SPACA7: variants seen among roughly 807,000 people sequenced by gnomAD.
SPACA7 encodes the protein sperm acrosome-associated protein 7.
In SPACA7, 19 loss-of-function variants were observed where a neutral mutation model predicts 26.3. The ratio of observed to expected loss-of-function variants is 0.72; its 90% CI spans 0.50 to 1.06. SPACA7 has a LOEUF of 1.06. SPACA7 is among the 50% of genes least tolerant of loss of function. The pLI, the probability that SPACA7 is intolerant of heterozygous loss-of-function variation, is 0.00. For synonymous variants in SPACA7, 84 were observed against 84.5 expected, an observed-to-expected ratio of 0.99 and a Z score of 0.04; for missense variants, 211 against 229.9, an observed-to-expected ratio of 0.92 and a Z score of 0.53.
intron 6 of SPACA7, 52 bp from the exon 7 acceptor site, chr13:112,434,433 A>C (rs1877534836): frequency 6.8e-7 from 1 of 1,480,036 alleles, no homozygotes; most frequent in African/African-American, 1.4e-5. Context: ...CAGTGCCTCC[A>C]TCTCCCTCAT....
rs1876566761 is a variant in SPACA7 at position 112,426,680 on chromosome 13, A to G, written c.446-5764A>G. ...TATAAATGGCACTTTTTCAAATTCA[A>G]TATCCAGTTATTCATTTTTAGTATA... On this transcript the variant is annotated intron_variant, in intron 5 of 6. Transcript: ENST00000283550. Among the ~76,000 whole-genome samples the G allele has an allele frequency of 2.0e-5, 3 of 152,238 alleles. No homozygotes were observed. The South Asian group carries it at 6.2e-4, about 31-fold the overall frequency.
At chr13:112,432,321 C>T (rs1877235054) in intron 5 of SPACA7, 123 bp from the exon 6 acceptor site, 5 of 698,796 alleles carry the variant, frequency 7.2e-6, no homozygotes, top group Non-Finnish European at 1.3e-5. Context: ...CCTCACCCCG[C>T]TTGCTCTGTG....
chr13:112,390,820 C>T (rs1009672388), intron 1 of SPACA7, among the ~76,000 whole-genome samples: 1 of 152,244 alleles, frequency 6.6e-6, no homozygotes, highest in Non-Finnish European at 1.5e-5. Flanking sequence ...CTAGGAATTA[C>T]AATTCAACCT....
chr13:112,424,261 G>A (rs768006196), intron 5 of SPACA7, among the ~76,000 whole-genome samples: 4 of 152,226 alleles, frequency 2.6e-5, no homozygotes, highest in African/African-American at 4.8e-5. Context: ...GTGATGCTGC[G>A]TTGGGAGCAT....
intron 2 of SPACA7, among the ~76,000 whole-genome samples, chr13:112,395,035 C>A (rs1380167874): frequency 5.3e-5 from 8 of 152,228 alleles, no homozygotes; most frequent in Admixed American, 5.2e-4. Flanking sequence ...GGCCGAGACT[C>A]TCTGTCCAGA....
rs117041210 is a variant in SPACA7, at chr13:112,413,971, C to A, written c.445+12807C>A. On this transcript the variant is annotated intron_variant, in intron 5 of 6. Coordinates refer to ENST00000283550, the MANE Select transcript of SPACA7 (RefSeq NM_145248.5). ...TCCTCATGGCAGAAGGCAAGGGGAA[C>A]CAGTGTGTTGTGTGATCAGAGAGGG... is the stretch of plus-strand genomic sequence containing the variant. Among the ~76,000 whole-genome samples the A allele has an allele frequency of 5.3e-4, 81 of 152,246 alleles. 1 individual carries two copies. In the East Asian group the frequency reaches 0.014, roughly 25 times the overall value.
intron 5 of SPACA7, among the ~76,000 whole-genome samples, chr13:112,427,108 A>G (rs1031090356): frequency 1.3e-5 from 2 of 152,232 alleles, no homozygotes; most frequent in African/African-American, 4.8e-5. Context: ...AATTCTGAGA[A>G]AAGTTTTTTC....
intron 5 of SPACA7, among the ~76,000 whole-genome samples, chr13:112,412,138 G>A (rs1240374632): frequency 2.6e-5 from 4 of 152,092 alleles, no homozygotes; most frequent in Non-Finnish European, 5.9e-5. Flanking sequence ...TTTTTGAAAA[G>A]TTATTTTAAC....
At chr13:112,395,866 CAA>C (rs1352179696) in intron 2 of SPACA7, among the ~76,000 whole-genome samples, 1 of 152,232 alleles carries the variant, frequency 6.6e-6, no homozygotes, top group Non-Finnish European at 1.5e-5. Context: ...GGTTTTAAAA[CAA>C]AGAGCTTCCT....
chr13:112,399,891 C>T (rs1202460648), intron 4 of SPACA7, among the ~76,000 whole-genome samples: 1 of 152,184 alleles, frequency 6.6e-6, no homozygotes, highest in African/African-American at 2.4e-5. Context: ...GCAAGTACAT[C>T]TTCACATGGA....
chr13:112,425,178 G>C (rs1328829386), intron 5 of SPACA7, among the ~76,000 whole-genome samples: 1 of 152,192 alleles, frequency 6.6e-6, no homozygotes, highest in African/African-American at 2.4e-5. Flanking sequence ...GGATCCAAGG[G>C]TGCGCACAGG....
chr13:112,397,022 G>A (rs377212528), intron 2 of SPACA7, among the ~76,000 whole-genome samples: 10 of 152,246 alleles, frequency 6.6e-5, no homozygotes, highest in African/African-American at 1.2e-4. Context: ...CCGGCTGCAG[G>A]GGGCCTCACT....
At chr13:112,432,582 A>G in intron 6 of SPACA7, 61 bp downstream of exon 6, 4 of 1,307,752 alleles carry the variant, frequency 3.1e-6, no homozygotes, top group Non-Finnish European at 4.4e-6. Flanking sequence ...TGCTCAAGGG[A>G]CAGGTGTGTC....
chr13:112,405,904 A>T (rs1331492239), intron 5 of SPACA7, among the ~76,000 whole-genome samples: 1 of 152,108 alleles, frequency 6.6e-6, no homozygotes, highest in Non-Finnish European at 1.5e-5. Flanking sequence ...CATCGAAAAG[A>T]TACTTTCTTT....
At chr13:112,424,084 G>C (rs1352339121) in intron 5 of SPACA7, among the ~76,000 whole-genome samples, 1 of 152,194 alleles carries the variant, frequency 6.6e-6, no homozygotes, top group Non-Finnish European at 1.5e-5. Flanking sequence ...GCAGGAGGCA[G>C]GGGTGAACAA....
chr13:112,404,166 T>C (rs950290215), intron 5 of SPACA7, among the ~76,000 whole-genome samples: 5 of 152,252 alleles, frequency 3.3e-5, no homozygotes, highest in Non-Finnish European at 7.3e-5. Flanking sequence ...TGTATTTCCC[T>C]GATCATTAGT....
chr13:112,386,596 C>T (rs913472126), intron 1 of SPACA7, among the ~76,000 whole-genome samples: 1 of 151,692 alleles, frequency 6.6e-6, no homozygotes, highest in Non-Finnish European at 1.5e-5. Context: ...CTCATGTGTG[C>T]CTTAAGGGTG....
At chr13:112,404,349 T>A (rs1399988613) in intron 5 of SPACA7, among the ~76,000 whole-genome samples, 1 of 152,218 alleles carries the variant, frequency 6.6e-6, no homozygotes, top group African/African-American at 2.4e-5. Flanking sequence ...TTGTGAAGAT[T>A]TTCTCCCACT....
chr13:112,421,230 A>C (rs1875943546), intron 5 of SPACA7, among the ~76,000 whole-genome samples: 1 of 151,406 alleles, frequency 6.6e-6, no homozygotes, highest in Non-Finnish European at 1.5e-5. Context: ...ACATGCAAAA[A>C]AAAAAAAAAA....
Sources: gnomAD v4.1 joint callset for allele counts (sites outside exome capture counted in the v4.1 genomes callset) on GRCh38, gnomAD v4.1.1 for gene constraint, MANE v1.5 for transcripts, NCBI Gene and HGNC (gene_info 2026-07-23, HGNC 2026-07-21) for gene names.